ESYT2: variants seen among roughly 807,000 people sequenced by gnomAD.
ESYT2 encodes extended synaptotagmin-2.
Under a neutral mutation model 107.2 loss-of-function variants are expected in ESYT2, and 54 were observed. The observed-to-expected ratio is 0.50, with a 90% CI of 0.40 to 0.63. The LOEUF (loss-of-function observed/expected upper bound fraction) is 0.63, where lower values mean the gene tolerates loss of function less well. ESYT2 is among the 30% of genes least tolerant of loss of function. The pLI is 0.00. For synonymous variants in ESYT2, 491 were observed against 434.1 expected, an observed-to-expected ratio of 1.13 and a Z score of -1.63; for missense variants, 1,020 against 1,094.5, an observed-to-expected ratio of 0.93 and a Z score of 0.96.
Position 158,734,162 on chromosome 7 carries a change from G to C in ESYT2, c.*45C>G, listed in dbSNP as rs1836834600. 1.2e-6 allele frequency: 2 copies of C among 1,608,994 alleles called. No homozygotes were observed. Among genetic ancestry groups the C allele is most frequent in the Non-Finnish European group, 1.7e-6 (2 of 1,175,562 alleles). On this transcript the variant is annotated 3_prime_UTR_variant, in exon 23 of 23. Transcript: ENST00000275418. The stretch of plus-strand genomic sequence containing the variant: ...TCTGTGAGAGGGTGTGTTCCGGGTA[G>C]AGGTGGAGAGCTACGCTGAAGAGGA...
chr7:158,739,202 A>G (rs7800556), intron 18 of ESYT2, 81 bp from the exon 19 acceptor site: 228,404 of 1,172,816 alleles, frequency 0.19, 27,253 homozygotes, highest in East Asian at 0.57. Context: ...TACACGATAA[A>G]ATAATTTCTA....
intron 9 of ESYT2, 77 bp from the exon 10 acceptor site, chr7:158,763,242 G>A (rs1050246014): frequency 5.5e-6 from 5 of 916,088 alleles, no homozygotes; most frequent in Non-Finnish European, 8.1e-6. Flanking sequence ...GATGATTGTA[G>A]TAAATATGAC....
chr7:158,778,816 C>T (rs920812571), intron 6 of ESYT2, among the ~76,000 whole-genome samples: 3 of 151,608 alleles, frequency 2.0e-5, no homozygotes, highest in Non-Finnish European at 2.9e-5. Context: ...TATGTAAAAA[C>T]GACATCACAC....
At chr7:158,828,755 C>A (rs1017687648) in intron 1 of ESYT2, among the ~76,000 whole-genome samples, 6 of 150,666 alleles carry the variant, frequency 4.0e-5, no homozygotes, top group Non-Finnish European at 8.9e-5. Flanking sequence ...GGCCGGAGGC[C>A]GGGGCGGGGC....
chr7:158,748,664 T>C (rs892171385), intron 15 of ESYT2, among the ~76,000 whole-genome samples: 1 of 152,164 alleles, frequency 6.6e-6, no homozygotes, highest in Non-Finnish European at 1.5e-5. Context: ...CTGTTCACAA[T>C]TCAGTGAGTG....
chr7:158,799,003 G>T, intron 2 of ESYT2, 28 bp downstream of exon 2: 2 of 1,595,238 alleles, frequency 1.3e-6, no homozygotes, highest in Non-Finnish European at 1.7e-6. Context: ...TCCACTGATG[G>T]ATGGTAGTTG....
rs72505585 is a variant in ESYT2, at chr7:158,795,696, C to G, written c.508-1970G>C. ...GACTTTAACCTGCACTCACATGGCA[C>G]TTTAACTTGTAATTGTGTTTTTTCC... is the stretch of plus-strand genomic sequence containing the variant. On this transcript the variant is annotated intron_variant, in intron 3 of 22. Transcript: ENST00000275418. Among the ~76,000 whole-genome samples the G allele has an allele frequency of 5.3e-3, 809 of 152,182 alleles. 45 individuals are homozygous for G. In the East Asian group the frequency reaches 0.12, roughly 22 times the overall value.
chr7:158,784,280 G>A (rs986574990), intron 6 of ESYT2, among the ~76,000 whole-genome samples: 1 of 152,252 alleles, frequency 6.6e-6, no homozygotes, highest in Non-Finnish European at 1.5e-5. Flanking sequence ...GGATGTGCCT[G>A]TGGCCCTGAC....
intron 10 of ESYT2, 126 bp downstream of exon 10, chr7:158,762,957 A>G (rs891268125): frequency 7.1e-6 from 4 of 564,608 alleles, no homozygotes; most frequent in Admixed American, 6.4e-5. Context: ...AACAATTGTT[A>G]TATCTAAGAA....
chr7:158,764,031 A>G (rs1006871691), intron 9 of ESYT2, among the ~76,000 whole-genome samples: 2 of 152,164 alleles, frequency 1.3e-5, no homozygotes, highest in African/African-American at 4.8e-5. Flanking sequence ...GTGGAGTATA[A>G]ATCACACGAC....
Position 158,732,236 on chromosome 7 carries a change from CAG to C in ESYT2, c.*1969_*1970del, listed in dbSNP as rs1836775803. On this transcript the variant is annotated 3_prime_UTR_variant, in exon 23 of 23. Coordinates refer to ENST00000275418, the MANE Select transcript of ESYT2 (RefSeq NM_001367773.1). Reference sequence around the variant, plus strand: ...AGTGCTGCTGCTTTATAGATTATGACAGAAGACTTTCAACAGACCTGATTTTT... The same window carrying C: ...AGTGCTGCTGCTTTATAGATTATGACAAGACTTTCAACAGACCTGATTTTT... 2 of 152,180 alleles carry C rather than the reference CAG, an allele frequency of 1.3e-5. No individual in the cohort carries two copies. Among genetic ancestry groups the C allele is most frequent in the African/African-American group, 2.4e-5 (1 of 41,442 alleles). The allele number at this position is 152,180 out of a possible 1,614,324, so 9.4% of individuals were successfully genotyped here. A position where few individuals can be genotyped will look rare whatever the true frequency, so the allele number is the denominator to read the frequency against.
intron 6 of ESYT2, among the ~76,000 whole-genome samples, chr7:158,775,654 G>A (rs576833699): frequency 2.0e-5 from 3 of 152,176 alleles, no homozygotes; most frequent in East Asian, 3.9e-4. Context: ...TTCTAACTAC[G>A]GTTCTCTCAC....
intron 7 of ESYT2, among the ~76,000 whole-genome samples, chr7:158,769,514 G>A (rs984450023): frequency 3.9e-5 from 6 of 152,194 alleles, no homozygotes; most frequent in African/African-American, 9.7e-5. Context: ...CCACAGAAGC[G>A]TCTATTGAAG....
intron 6 of ESYT2, among the ~76,000 whole-genome samples, chr7:158,786,409 T>C (rs182516238): frequency 6.6e-6 from 1 of 152,278 alleles, no homozygotes; most frequent in East Asian, 1.9e-4. Flanking sequence ...AGAGGACTTT[T>C]AATGACTGGT....
In ESYT2 at chr7:158,734,129, T is replaced by C. The variant is rs1200621109; in HGVS notation, c.*78A>G. On this transcript the variant is annotated 3_prime_UTR_variant, in exon 23 of 23. Coordinates refer to ENST00000275418, the MANE Select transcript of ESYT2 (RefSeq NM_001367773.1). ...AATCCATGAAATTATAAAAATAACA[T>C]TGGTACGTCTGTGAGAGGGTGTGTT... 8.2e-6 allele frequency: 12 copies of C among 1,470,968 alleles called. No homozygotes were observed. Among genetic ancestry groups the C allele is most frequent in the Non-Finnish European group, 1.1e-5 (12 of 1,059,404 alleles). The allele number at this position is 1,470,968 out of a possible 1,614,324, so 91.1% of individuals were successfully genotyped here.
At chr7:158,740,917 T>A (rs1274546944) in intron 18 of ESYT2, among the ~76,000 whole-genome samples, 1 of 152,154 alleles carries the variant, frequency 6.6e-6, no homozygotes, top group Non-Finnish European at 1.5e-5. Context: ...GGAGAACTAT[T>A]TCAAAGGTCA....
chr7:158,798,820 A>G (rs879442998), intron 2 of ESYT2, among the ~76,000 whole-genome samples: 3 of 152,200 alleles, frequency 2.0e-5, no homozygotes, highest in Non-Finnish European at 4.4e-5. Flanking sequence ...GCACATGCCT[A>G]TACTTTTCTC....
intron 21 of ESYT2, among the ~76,000 whole-genome samples, chr7:158,734,907 GCT>G (rs1765808178): frequency 6.6e-6 from 1 of 152,122 alleles, no homozygotes; most frequent in Admixed American, 6.5e-5. Flanking sequence ...TTTTCTGAAG[GCT>G]CTTACTTTTT....
chr7:158,810,900 T>C (rs1839975996), intron 1 of ESYT2, among the ~76,000 whole-genome samples: 1 of 152,000 alleles, frequency 6.6e-6, no homozygotes, highest in Non-Finnish European at 1.5e-5. Context: ...ATTTCGGTGA[T>C]GGTTGCACAA....
Sources: allele counts gnomAD v4.1 joint callset (sites outside exome capture counted in the v4.1 genomes callset), GRCh38; gene constraint gnomAD v4.1.1; transcripts MANE v1.5; gene names NCBI Gene and HGNC (gene_info 2026-07-23, HGNC 2026-07-21).